The following FMN2 variants were observed in gnomAD, a reference collection of about 807,000 sequenced individuals.
The protein encoded by FMN2 is formin-2.
In FMN2, 51 loss-of-function variants were observed where a neutral mutation model predicts 142.3. The ratio of observed to expected loss-of-function variants is 0.36; its 90% CI spans 0.29 to 0.45. The LOEUF is 0.45. Among genes scored for constraint, FMN2 ranks in the 20% least tolerant of loss-of-function variants. The probability of loss-of-function intolerance (pLI) is 1.00; values close to 1 mark genes in which losing one functional copy is unlikely to be tolerated. For missense variants in FMN2, 1,936 were observed against 2,122.8 expected, an observed-to-expected ratio of 0.91 and a Z score of 1.73; for synonymous variants, 882 against 869.8, an observed-to-expected ratio of 1.01 and a Z score of -0.25.
chr1:240,205,287 A>G (rs180714143), intron 4 of FMN2, among the ~76,000 whole-genome samples: 2 of 152,260 alleles, frequency 1.3e-5, no homozygotes, highest in Admixed American at 6.5e-5. Context: ...GCAAATCCAC[A>G]TCTGTATGAG....
At position 240,144,471 on chromosome 1, in the gene FMN2, C is replaced by A. The variant is rs1330033829; in HGVS notation, c.1782+21126C>A. ...ACATCTTCACTCAGCTCCAGGAACA[C>A]CCCATGCCAGCCTAGCATGAATGCC... On this transcript the variant is annotated intron_variant, in intron 2 of 17. Coordinates refer to ENST00000319653, the MANE Select transcript of FMN2 (RefSeq NM_020066.5). 1.1e-5 allele frequency: 17 copies of A among 1,561,452 alleles called. No individual in the cohort carries two copies. The East Asian group carries it at 3.4e-4, about 31-fold the overall frequency.
At chr1:240,100,096 G>A (rs1332358562) in intron 1 of FMN2, among the ~76,000 whole-genome samples, 1 of 152,124 alleles carries the variant, frequency 6.6e-6, no homozygotes, top group Non-Finnish European at 1.5e-5. Flanking sequence ...AATTGAAGCT[G>A]GAAAATTGCT....
At chr1:240,175,405 A>C (rs935992375) in intron 2 of FMN2, among the ~76,000 whole-genome samples, 1 of 152,210 alleles carries the variant, frequency 6.6e-6, no homozygotes, top group Non-Finnish European at 1.5e-5. Flanking sequence ...GAACTGCCAT[A>C]TATTTTCCAT....
chr1:240,234,096 G>A (rs1239313531), intron 6 of FMN2, among the ~76,000 whole-genome samples: 1 of 152,116 alleles, frequency 6.6e-6, no homozygotes, highest in Non-Finnish European at 1.5e-5. Context: ...AGACAGCCGT[G>A]AGTTTAAATT....
At chr1:240,124,814 C>T (rs1484735787) in intron 2 of FMN2, among the ~76,000 whole-genome samples, 9 of 152,030 alleles carry the variant, frequency 5.9e-5, no homozygotes, top group Admixed American at 5.9e-4. Flanking sequence ...ATTACAGGTG[C>T]GCACCACTAT....
intron 3 of FMN2, among the ~76,000 whole-genome samples, chr1:240,178,402 G>A (rs1383975730): frequency 1.3e-5 from 2 of 150,820 alleles, no homozygotes; most frequent in Admixed American, 1.3e-4. Context: ...ATGCTTTATG[G>A]AATATGGTTG....
intron 14 of FMN2, among the ~76,000 whole-genome samples, chr1:240,383,258 T>C (rs997632062): frequency 3.3e-5 from 5 of 151,928 alleles, no homozygotes; most frequent in African/African-American, 1.2e-4. Flanking sequence ...AAAAAATAGA[T>C]AAATGGGACT....
chr1:240,474,187 C>A lies in FMN2; in HGVS notation c.*33C>A. 1 of 1,531,168 alleles carries A rather than the reference C, an allele frequency of 6.5e-7. No homozygotes were observed. The highest frequency in any genetic ancestry group is 8.7e-7 in the Non-Finnish European group (1 of 1,147,296). The allele number at this position is 1,531,168 out of a possible 1,614,324, so 94.8% of individuals were successfully genotyped here. Reference sequence around the variant, plus strand: ...AAAGCAGAATGAAAATGAGTCATTGCAACGACTTTCACAAAATTCAGCTGA... The same window carrying A: ...AAAGCAGAATGAAAATGAGTCATTGAAACGACTTTCACAAAATTCAGCTGA... On this transcript the variant is annotated 3_prime_UTR_variant, in exon 18 of 18. Coordinates refer to ENST00000319653, the MANE Select transcript of FMN2 (RefSeq NM_020066.5).
intron 6 of FMN2, among the ~76,000 whole-genome samples, chr1:240,246,190 A>G (rs1309092364): frequency 1.3e-5 from 2 of 152,026 alleles, no homozygotes; most frequent in African/African-American, 2.4e-5. Flanking sequence ...AAAAAATAAA[A>G]ATAAAAATAA....
chr1:240,351,802 G>T (rs1672105396), intron 13 of FMN2, among the ~76,000 whole-genome samples: 2 of 152,066 alleles, frequency 1.3e-5, no homozygotes, highest in South Asian at 4.2e-4. Flanking sequence ...CCCAGTAGAT[G>T]ATTCTGGAAG....
chr1:240,407,852 G>T (rs1029484598), intron 15 of FMN2, among the ~76,000 whole-genome samples: 1 of 152,118 alleles, frequency 6.6e-6, no homozygotes, highest in Non-Finnish European at 1.5e-5. Flanking sequence ...TAGCATATTT[G>T]CAATGAAAAT....
At chr1:240,385,015 C>T (rs1673363848) in intron 14 of FMN2, among the ~76,000 whole-genome samples, 1 of 152,078 alleles carries the variant, frequency 6.6e-6, no homozygotes, top group Non-Finnish European at 1.5e-5. Context: ...GCATATGAGT[C>T]CCCAACAAAG....
At position 240,207,603 on chromosome 1, in the gene FMN2, A is replaced by G. The variant is rs773211659; in HGVS notation, c.2791A>G (p.Ile931Val). The change falls in exon 5 of 18, where the codon ATA becomes GTA. Residue 931 changes from isoleucine to valine, a missense_variant. Transcript: ENST00000319653. ...PPPPPLPGAG[I>V]LPLPPLPGAG... ...TCCGCCGCCTCTACCCGGAGCAGGCATACTCCCTCTGCCCCCTCTACCCGG... is the reference window on the plus strand; with the variant it reads ...TCCGCCGCCTCTACCCGGAGCAGGCGTACTCCCTCTGCCCCCTCTACCCGG... 7.0e-6 allele frequency: 11 copies of G among 1,578,450 alleles called. No individual in the cohort carries two copies. The East Asian group carries it at 2.3e-4, about 34-fold the overall frequency.
rs1676882552 is a variant in FMN2, at chr1:240,473,668, A to G, written c.5143-460A>G. Among the ~76,000 whole-genome samples the G allele has an allele frequency of 1.3e-5, 2 of 152,194 alleles. No homozygotes were observed. The highest frequency in any genetic ancestry group is 1.3e-4 in the Admixed American group (2 of 15,270). On this transcript the variant is annotated intron_variant, in intron 17 of 17. Coordinates refer to ENST00000319653, the MANE Select transcript of FMN2 (RefSeq NM_020066.5). The surrounding 1 kb of genome is among the most constrained non-coding windows in gnomAD (Gnocchi z 4.3). ...AATGATAACTACTACATGATAGTTC[A>G]GCTTATCTTCTGCTCCTGATGATTC... is the stretch of plus-strand genomic sequence containing the variant.
chr1:240,143,207 C>T (rs1223380409), intron 2 of FMN2: 11 of 1,591,068 alleles, frequency 6.9e-6, no homozygotes, highest in East Asian at 2.2e-5. Flanking sequence ...CCACCATGCC[C>T]ATGGCAAAAA....
chr1:240,310,054 G>C (rs1455354376), intron 8 of FMN2, among the ~76,000 whole-genome samples: 2 of 152,164 alleles, frequency 1.3e-5, no homozygotes, highest in Admixed American at 6.5e-5. Flanking sequence ...CTGACACAGT[G>C]TTTGAAAGAT....
At chr1:240,287,376 G>A (rs1478594130) in intron 7 of FMN2, among the ~76,000 whole-genome samples, 1 of 152,168 alleles carries the variant, frequency 6.6e-6, no homozygotes, top group Non-Finnish European at 1.5e-5. Context: ...TGTGGCTTCT[G>A]TATTTTAAAT....
chr1:240,320,225 T>A (rs1015773568), intron 8 of FMN2, among the ~76,000 whole-genome samples: 3 of 152,074 alleles, frequency 2.0e-5, no homozygotes, highest in African/African-American at 7.2e-5. Context: ...TGAAACGATG[T>A]CATCTTGGAA....
intron 16 of FMN2, among the ~76,000 whole-genome samples, chr1:240,461,387 T>G (rs1387128443): frequency 6.6e-6 from 1 of 152,154 alleles, no homozygotes; most frequent in Admixed American, 6.5e-5. Flanking sequence ...AGCTCTGCAT[T>G]TGGCACATTA....
Sources: gnomAD v4.1 joint callset for allele counts (sites outside exome capture counted in the v4.1 genomes callset) on GRCh38, gnomAD v4.1.1 for gene constraint, Gnocchi (gnomAD v3.1) non-coding constraint, MANE v1.5 for transcripts, NCBI Gene and HGNC (gene_info 2026-07-23, HGNC 2026-07-21) for gene names.